Variants in SEMA3C observed in about 807,000 individuals in gnomAD.
SEMA3C encodes semaphorin 3C.
Under a neutral mutation model 89.4 loss-of-function variants are expected in SEMA3C, and 47 were observed. The ratio of observed to expected loss-of-function variants is 0.53; its 90% confidence interval spans 0.42 to 0.67. The LOEUF is 0.67. SEMA3C is among the 30% of genes least tolerant of loss of function. SEMA3C has a pLI of 0.00. For missense variants in SEMA3C, 839 were observed against 929.1 expected (o/e 0.90, Z 1.26); for synonymous variants, 310 against 320.2 (o/e 0.97, Z 0.34).
Position 80,800,759 on chromosome 7 carries a change from T to G in SEMA3C, c.984A>C (p.Ser328=), listed in dbSNP as rs1789182590. ...AAATGTAACTGTTGAATAATTACCTTGATGTTGTAAAAATGCCATACACTA... is the reference window on the plus strand; with the variant it reads ...AAATGTAACTGTTGAATAATTACCTGGATGTTGTAAAAATGCCATACACTA... ...TTLVYGIFTT[S]SSVFKGSAVC... The change falls in exon 10 of 18, where the codon TCA becomes TCC. Residue 328 remains serine (S), a splice_region_variant and synonymous_variant. Coordinates refer to ENST00000265361, the MANE Select transcript of SEMA3C (RefSeq NM_006379.5). 1.3e-6 allele frequency: 2 copies of G among 1,517,740 alleles called. No individual in the cohort carries two copies. 94.0% of individuals were successfully genotyped at this position (1,517,740 alleles called of 1,614,324 possible).
At chr7:80,907,284 C>G (rs933916752) in intron 2 of SEMA3C, among the ~76,000 whole-genome samples, 3 of 152,054 alleles carry the variant, frequency 2.0e-5, no homozygotes, top group African/African-American at 7.2e-5. Context: ...TCTGTGCCAG[C>G]TAAACCCCTG....
chr7:80,887,232 A>G (rs1392519585), intron 2 of SEMA3C, among the ~76,000 whole-genome samples: 1 of 152,212 alleles, frequency 6.6e-6, no homozygotes, highest in Non-Finnish European at 1.5e-5. Flanking sequence ...CAGTTATTAA[A>G]TATCTAAACA....
At chr7:80,885,269 T>C (rs1272212224) in intron 2 of SEMA3C, among the ~76,000 whole-genome samples, 2 of 152,152 alleles carry the variant, frequency 1.3e-5, no homozygotes, top group African/African-American at 2.4e-5. Flanking sequence ...CTCTACATTT[T>C]CCCCCTCTTT....
rs189363190 is a variant in SEMA3C at position 80,769,838 on chromosome 7, G to A, written c.1355-4595C>T. On this transcript the variant is annotated intron_variant, in intron 12 of 17. Coordinates refer to ENST00000265361, the MANE Select transcript of SEMA3C (RefSeq NM_006379.5). ...AGTGTCACTGCACTCCAGCCTGGGG[G>A]ATAGAGCAAGACTCTGTCCCCCCCC... 5.9e-3 allele frequency among the ~76,000 whole-genome samples: 705 copies of A among 118,634 alleles called. 8 individuals carry two copies. Among genetic ancestry groups the A allele is most frequent in the African/African-American group, 0.021 (643 of 31,098 alleles). The allele number at this position is 118,634 out of a possible 152,430, so 77.8% of individuals were successfully genotyped here.
At position 80,833,230 on chromosome 7, in the gene SEMA3C, C is replaced by G. The variant is rs1332122324; in HGVS notation, c.104-4485G>C. Among the ~76,000 whole-genome samples, 3 of 150,722 alleles carry G rather than the reference C, an allele frequency of 2.0e-5. No homozygotes were observed. In the East Asian group the frequency reaches 5.9e-4, roughly 30 times the overall value. On this transcript the variant is annotated intron_variant, in intron 2 of 17. Coordinates refer to ENST00000265361, the MANE Select transcript of SEMA3C (RefSeq NM_006379.5). ...CAGGTGGATCACGAGGTCAGGAGAT[C>G]GAGACTACACTGACCAACATGGTGA...
chr7:80,886,339 A>T (rs1791476755), intron 2 of SEMA3C, among the ~76,000 whole-genome samples: 1 of 151,764 alleles, frequency 6.6e-6, no homozygotes, highest in African/African-American at 2.4e-5. Context: ...TGGATGTTGT[A>T]CAACTGGAAA....
chr7:80,850,590 G>A (rs1299546630), intron 2 of SEMA3C, among the ~76,000 whole-genome samples: 2 of 152,088 alleles, frequency 1.3e-5, no homozygotes. Flanking sequence ...TAATCCTGGT[G>A]GTTATATTCA....
At chr7:80,842,967 G>C (rs1790304360) in intron 2 of SEMA3C, among the ~76,000 whole-genome samples, 1 of 152,010 alleles carries the variant, frequency 6.6e-6, no homozygotes, top group Admixed American at 6.6e-5. Context: ...TTCACATCCA[G>C]GTGTAAAATT....
At chr7:80,774,468 G>C (rs1788501828) in intron 12 of SEMA3C, among the ~76,000 whole-genome samples, 1 of 151,992 alleles carries the variant, frequency 6.6e-6, no homozygotes, top group Non-Finnish European at 1.5e-5. Context: ...ACTAAAGGAA[G>C]ACATGGTTTC....
chr7:80,850,346 G>T (rs765960839), intron 2 of SEMA3C, among the ~76,000 whole-genome samples: 10 of 152,112 alleles, frequency 6.6e-5, no homozygotes, highest in Non-Finnish European at 1.3e-4. Context: ...TCTTATTCAT[G>T]ATAGTTCTAA....
Position 80,916,865 on chromosome 7 carries a change from TAGG to T in SEMA3C, c.-38-49_-38-47del, listed in dbSNP as rs1216252632. On this transcript the variant is annotated intron_variant, in intron 1 of 17. Coordinates refer to ENST00000265361, the MANE Select transcript of SEMA3C (RefSeq NM_006379.5). ...GTTTGTTATATCTCATTTCACATTT[TAGG>T]AGTAGGAAAAAACAGCAATCTAGAC... 1.9e-6 allele frequency: 3 copies of T among 1,547,802 alleles called. No homozygotes were observed. In the African/African-American group the frequency reaches 4.1e-5, roughly 21 times the overall value.
At chr7:80,902,014 G>A (rs966699793) in intron 2 of SEMA3C, among the ~76,000 whole-genome samples, 22 of 152,168 alleles carry the variant, frequency 1.4e-4, no homozygotes, top group South Asian at 4.2e-4. Flanking sequence ...GTGCAGTGGC[G>A]CTATCACAGC....
At chr7:80,870,121 A>G (rs968512861) in intron 2 of SEMA3C, among the ~76,000 whole-genome samples, 2 of 152,086 alleles carry the variant, frequency 1.3e-5, no homozygotes, top group African/African-American at 4.8e-5. Flanking sequence ...TTTCCACTGC[A>G]CGGCTTCTTA....
At chr7:80,784,357 AT>A (rs1233353206) in intron 12 of SEMA3C, among the ~76,000 whole-genome samples, 1 of 151,786 alleles carries the variant, frequency 6.6e-6, no homozygotes, top group Admixed American at 6.6e-5. Flanking sequence ...TTTAAAATAC[AT>A]TTTTTCAACC....
At chr7:80,792,177 G>C (rs1056219642) in intron 11 of SEMA3C, among the ~76,000 whole-genome samples, 2 of 152,048 alleles carry the variant, frequency 1.3e-5, no homozygotes, top group Non-Finnish European at 2.9e-5. Context: ...TCACAACAAA[G>C]ACCAAAATGA....
intron 2 of SEMA3C, among the ~76,000 whole-genome samples, chr7:80,889,903 T>C (rs1016415418): frequency 3.9e-5 from 6 of 152,212 alleles, no homozygotes; most frequent in Non-Finnish European, 5.9e-5. Flanking sequence ...ATTATACCTT[T>C]GGTATCTTTA....
In SEMA3C at chr7:80,916,197, C is replaced by T. The variant is rs545622616; in HGVS notation, c.103+482G>A. Among the ~76,000 whole-genome samples, 16 of 152,262 alleles carry T rather than the reference C, an allele frequency of 1.1e-4. 1 individual carries two copies. In the South Asian group the frequency reaches 3.1e-3, roughly 30 times the overall value. On this transcript the variant is annotated intron_variant, in intron 2 of 17. Coordinates refer to ENST00000265361, the MANE Select transcript of SEMA3C (RefSeq NM_006379.5). ...GGGGACTATGCCAATCTCAGGAAAT[C>T]CTTGTGGAAAAAGAAGAAACACCAT...
Position 80,744,612 on chromosome 7 carries a change from A to G in SEMA3C, c.*282T>C. The G allele has an allele frequency of 2.4e-6, 1 of 414,928 alleles. No individual in the cohort carries two copies. The highest frequency in any genetic ancestry group is 4.3e-6 in the Non-Finnish European group (1 of 230,426). 25.7% of individuals were successfully genotyped at this position (414,928 alleles called of 1,614,324 possible). A position where few individuals can be genotyped will look rare whatever the true frequency, so the allele number is the denominator to read the frequency against. ...AGGGATGCAACAATTCTAGTTTTGC[A>G]GCCACCATATCGATTTTGAAGAAAA... On this transcript the variant is annotated 3_prime_UTR_variant, in exon 18 of 18. Transcript: ENST00000265361.
At chr7:80,749,621 C>G (rs1482769241) in intron 16 of SEMA3C, among the ~76,000 whole-genome samples, 2 of 152,146 alleles carry the variant, frequency 1.3e-5, no homozygotes, top group African/African-American at 4.8e-5. Flanking sequence ...TAACCTCAGA[C>G]AAGTTACTTG....
Sources: gnomAD v4.1 joint callset for allele counts (sites outside exome capture counted in the v4.1 genomes callset) on GRCh38, gnomAD v4.1.1 for gene constraint, MANE v1.5 for transcripts, NCBI Gene and HGNC (gene_info 2026-07-23, HGNC 2026-07-21) for gene names.